NPFFR1: variants seen among roughly 807,000 people sequenced by gnomAD.
The protein encoded by NPFFR1 is G-protein coupled receptor 147.
Under a neutral mutation model 12.7 loss-of-function variants are expected in NPFFR1, and 17 were observed. The observed-to-expected ratio is 1.34, with a 90% CI of 0.92 to 2.01. The LOEUF is 2.01. Among genes scored for constraint, NPFFR1 ranks in the 30% most tolerant of loss-of-function variants. The pLI, the probability that NPFFR1 is intolerant of heterozygous loss-of-function variation, is 0.00. For missense variants in NPFFR1, 604 were observed against 606.5 expected (o/e 1.00, Z 0.04); for synonymous variants, 296 against 264.5 (o/e 1.12, Z -1.16).
At chr10:70,268,663 C>T (rs1840720686) in intron 1 of NPFFR1, among the ~76,000 whole-genome samples, 1 of 152,162 alleles carries the variant, frequency 6.6e-6, no homozygotes, top group Admixed American at 6.6e-5. Flanking sequence ...GCCTCTCATC[C>T]TCCAGGAAGC....
Position 70,266,092 on chromosome 10 carries a change from C to T in NPFFR1, c.307G>A (p.Asp103Asn), listed in dbSNP as rs769659416. ...GIFCMPTTLV[D>N]NLITGWPFDN... Reference sequence around the variant, plus strand: ...CCGCACTCACCAGTGATGAGGTTGTCCACAAGGGTGGTGGGCATGCAGAAG... The same window carrying T: ...CCGCACTCACCAGTGATGAGGTTGTTCACAAGGGTGGTGGGCATGCAGAAG... Residue 103 changes from aspartate to asparagine, a missense_variant, in exon 2 of 4, where the codon GAC becomes AAC. Physicochemically the swap from Asp to Asn is conservative, Grantham distance 23. Transcript: ENST00000277942. 7.4e-6 allele frequency: 12 copies of T among 1,613,714 alleles called. No homozygotes were observed. The highest frequency in any genetic ancestry group is 3.3e-5 in the Admixed American group (2 of 59,992).
At chr10:70,271,462 A>C (rs1206184135) in intron 1 of NPFFR1, among the ~76,000 whole-genome samples, 1 of 152,150 alleles carries the variant, frequency 6.6e-6, no homozygotes, top group Non-Finnish European at 1.5e-5. Flanking sequence ...GCAGTGAGCT[A>C]TGATTACACC....
intron 1 of NPFFR1, among the ~76,000 whole-genome samples, chr10:70,272,764 C>T (rs1840763524): frequency 6.6e-6 from 1 of 152,152 alleles, no homozygotes. Context: ...GCACATCTGT[C>T]CAGAGCCCTA....
At chr10:70,277,891 G>T (rs935909378) in intron 1 of NPFFR1, 1 of 512,158 alleles carries the variant, frequency 2.0e-6, no homozygotes, top group South Asian at 1.4e-5. Flanking sequence ...TAGCAACTCT[G>T]CAGGGGGCTT....
intron 1 of NPFFR1, among the ~76,000 whole-genome samples, chr10:70,269,329 G>A (rs1010344328): frequency 6.6e-6 from 1 of 151,448 alleles, no homozygotes; most frequent in African/African-American, 2.4e-5. Context: ...GTTAATTTAA[G>A]GTTATTTTGT....
chr10:70,255,032 C>A lies in NPFFR1; in HGVS notation c.1218G>T (p.Val406=), dbSNP rs1006778453. The A allele has an allele frequency of 4.2e-6, 6 of 1,442,514 alleles. No individual in the cohort carries two copies. The Admixed American group carries it at 8.7e-5, about 21-fold the overall frequency. The allele number at this position is 1,442,514 out of a possible 1,614,324, so 89.4% of individuals were successfully genotyped here. A position where few individuals can be genotyped will look rare whatever the true frequency, so the allele number is the denominator to read the frequency against. The change falls in exon 4 of 4, where the codon GTG becomes GTT. Residue 406 remains valine, a synonymous_variant. Coordinates refer to ENST00000277942, the MANE Select transcript of NPFFR1 (RefSeq NM_022146.5). The surrounding 1 kb of genome is among the most constrained non-coding windows in gnomAD (Gnocchi z 4.2). ...PGRLPLRNGR[V]AHHGLPREGP... Reference sequence around the variant, plus strand: ...CTTCCCTGGGCAAGCCGTGGTGAGCCACCCGCCCATTCCGCAGCGGGAGGC... The same window carrying A: ...CTTCCCTGGGCAAGCCGTGGTGAGCAACCCGCCCATTCCGCAGCGGGAGGC...
chr10:70,257,947 T>C (rs1464764971), intron 3 of NPFFR1, among the ~76,000 whole-genome samples: 1 of 152,178 alleles, frequency 6.6e-6, no homozygotes, highest in Admixed American at 6.5e-5. Flanking sequence ...ACATAGATTC[T>C]ATTGCTCACA....
At chr10:70,261,152 T>C (rs949466849) in intron 2 of NPFFR1, among the ~76,000 whole-genome samples, 1 of 152,148 alleles carries the variant, frequency 6.6e-6, no homozygotes, top group Non-Finnish European at 1.5e-5. Flanking sequence ...GAAGGACCCA[T>C]GGGAGGTAAC....
intron 1 of NPFFR1, among the ~76,000 whole-genome samples, chr10:70,275,528 G>T (rs1367791148): frequency 6.6e-6 from 1 of 152,112 alleles, no homozygotes; most frequent in Non-Finnish European, 1.5e-5. Context: ...AGGTCTGCAG[G>T]TTCAGTTTAC....
At chr10:70,261,950 T>C (rs763076855) in intron 2 of NPFFR1, among the ~76,000 whole-genome samples, 1 of 152,328 alleles carries the variant, frequency 6.6e-6, no homozygotes, top group Non-Finnish European at 1.5e-5. Context: ...AAGCAAAGTA[T>C]AAAGACTATC....
intron 2 of NPFFR1, among the ~76,000 whole-genome samples, chr10:70,264,041 G>A (rs1475380517): frequency 2.6e-5 from 4 of 151,626 alleles, no homozygotes; most frequent in East Asian, 3.9e-4. Context: ...AGCCATGATC[G>A]TGCACTGCGC....
At chr10:70,270,458 C>G (rs997744436) in intron 1 of NPFFR1, among the ~76,000 whole-genome samples, 2 of 152,218 alleles carry the variant, frequency 1.3e-5, no homozygotes, top group Admixed American at 6.5e-5. Flanking sequence ...CTGCCAGAAC[C>G]TTTCAGGCTA....
Position 70,249,627 on chromosome 10 carries a change from C to A in NPFFR1, c.*5330G>T, listed in dbSNP as rs188794299. ...TCTCCCAAGTAGCTGGGATTACAGGCGCACATCACCACACCTGGCTAATTT... is the reference window on the plus strand; with the variant it reads ...TCTCCCAAGTAGCTGGGATTACAGGAGCACATCACCACACCTGGCTAATTT... On this transcript the variant is annotated 3_prime_UTR_variant, in exon 4 of 4. Transcript: ENST00000277942. The A allele has an allele frequency of 6.7e-6, 1 of 150,284 alleles. No individual in the cohort carries two copies. Among genetic ancestry groups the A allele is most frequent in the Non-Finnish European group, 1.5e-5 (1 of 67,612 alleles). 9.3% of individuals were successfully genotyped at this position (150,284 alleles called of 1,614,324 possible).
chr10:70,269,499 T>G (rs567351942), intron 1 of NPFFR1, among the ~76,000 whole-genome samples: 1 of 150,038 alleles, frequency 6.7e-6, no homozygotes, highest in Non-Finnish European at 1.5e-5. Flanking sequence ...GATTATTGCC[T>G]AGACTCCCCA....
At chr10:70,278,228 C>T (rs1281267842) in intron 1 of NPFFR1, among the ~76,000 whole-genome samples, 1 of 152,074 alleles carries the variant, frequency 6.6e-6, no homozygotes, top group East Asian at 1.9e-4. Flanking sequence ...CCTCTCCCCA[C>T]GTCCCAGGGT....
intron 1 of NPFFR1, among the ~76,000 whole-genome samples, chr10:70,267,490 G>T (rs553942719): frequency 1.3e-5 from 2 of 152,286 alleles, no homozygotes; most frequent in Admixed American, 6.5e-5. Context: ...AGGTCAGAAA[G>T]GTTCCATGAC....
rs370723649 is a variant in NPFFR1 at position 70,249,000 on chromosome 10, C to T, written c.*5957G>A. 1 of 152,236 alleles carries T rather than the reference C, an allele frequency of 6.6e-6. No individual in the cohort carries two copies. Among genetic ancestry groups the T allele is most frequent in the Admixed American group, 6.5e-5 (1 of 15,270 alleles). The allele number at this position is 152,236 out of a possible 1,614,324, so 9.4% of individuals were successfully genotyped here. On this transcript the variant is annotated 3_prime_UTR_variant, in exon 4 of 4. Coordinates refer to ENST00000277942, the MANE Select transcript of NPFFR1 (RefSeq NM_022146.5). ...CTCTCACTTCATATCTGTACTCAAA[C>T]ATCACCTCTTCACAGAGGCCATTCC...
intron 1 of NPFFR1, among the ~76,000 whole-genome samples, chr10:70,267,305 T>G (rs1004269218): frequency 2.0e-5 from 3 of 152,194 alleles, no homozygotes; most frequent in Admixed American, 6.5e-5. Flanking sequence ...CATCCCATGA[T>G]CAGCTGTTCT....
chr10:70,253,947 C>T lies in NPFFR1; in HGVS notation c.*1010G>A, dbSNP rs1840536897. 6.6e-6 allele frequency: 1 copy of T among 152,204 alleles called. No homozygotes were observed. Among genetic ancestry groups the T allele is most frequent in the South Asian group, 2.1e-4 (1 of 4,822 alleles). The allele number at this position is 152,204 out of a possible 1,614,324, so 9.4% of individuals were successfully genotyped here. ...GGGGAAGAGTTTAGTGTGTGTCCTT[C>T]AGGAGTCTCCAAATGGCACTCCGGC... is the stretch of plus-strand genomic sequence containing the variant. On this transcript the variant is annotated 3_prime_UTR_variant, in exon 4 of 4. Coordinates refer to ENST00000277942, the MANE Select transcript of NPFFR1 (RefSeq NM_022146.5).
Sources: gnomAD v4.1 joint callset for allele counts (sites outside exome capture counted in the v4.1 genomes callset) on GRCh38, gnomAD v4.1.1 for gene constraint, Gnocchi (gnomAD v3.1) non-coding constraint, MANE v1.5 for transcripts, NCBI Gene and HGNC (gene_info 2026-07-23, HGNC 2026-07-21) for gene names.